Variants in SKA3 observed in about 807,000 individuals in gnomAD.
The protein encoded by SKA3 is spindle and kinetochore associated complex subunit 3.
A neutral mutation model predicts 44.2 loss-of-function variants in SKA3; 39 were observed. That is an observed-to-expected ratio of 0.88 (90% CI 0.68 to 1.15). The LOEUF (loss-of-function observed/expected upper bound fraction) is 1.15. SKA3 is among the 50% of genes most tolerant of loss of function. The pLI, the probability that SKA3 is intolerant of heterozygous loss-of-function variation, is 0.00. For synonymous variants in SKA3, 192 were observed against 172.0 expected (o/e 1.12, Z -0.91); for missense variants, 511 against 485.8 (o/e 1.05, Z -0.49).
At chr13:21,170,665 C>T (rs961129502) in intron 3 of SKA3, among the ~76,000 whole-genome samples, 8 of 152,038 alleles carry the variant, frequency 5.3e-5, no homozygotes, top group African/African-American at 1.9e-4. Flanking sequence ...GTTCCAAAAA[C>T]CTACTGATGT....
At chr13:21,176,298 A>G (rs1444157555) in intron 1 of SKA3, 77 bp downstream of exon 1, 1 of 1,121,746 alleles carries the variant, frequency 8.9e-7, no homozygotes. Flanking sequence ...TTCCCGTGGG[A>G]CATACCGTCC....
At chr13:21,161,519 C>T (rs866496174) in intron 5 of SKA3, among the ~76,000 whole-genome samples, 1 of 152,110 alleles carries the variant, frequency 6.6e-6, no homozygotes, top group African/African-American at 2.4e-5. Context: ...GGCTCTACAT[C>T]AAAATATTGG....
rs371999359 is a variant in SKA3 at position 21,168,375 on chromosome 13, G to C, written c.356C>G (p.Ser119Cys). ...TTCACAATTAGACAACTCTGGGTCA[G>C]AGTTAATGGCTTCTTGCTCGTGTAC... ...NSVHEQEAINSDPELSNCENF... is the reference protein window; with the variant it reads ...NSVHEQEAINCDPELSNCENF... Residue 119 changes from serine (S) to cysteine (C), a missense_variant, in exon 4 of 9, where the codon TCT (serine) becomes TGT (cysteine). Ser to Cys is a moderately radical substitution (Grantham distance 112). Coordinates refer to ENST00000314759, the MANE Select transcript of SKA3 (RefSeq NM_145061.6). 3 of 1,610,576 alleles carry C rather than the reference G, an allele frequency of 1.9e-6. No individual in the cohort carries two copies. Among genetic ancestry groups the C allele is most frequent in the African/African-American group, 2.7e-5 (2 of 74,688 alleles).
Position 21,172,661 on chromosome 13 carries a change from TC to T in SKA3, c.123del (p.Met41IlefsTer14). The stretch of plus-strand genomic sequence containing the variant: ...TCTGAATGAAGGTCATATAAAATTC[TC>T]ATTGGATAATCTTCAAAGTCTTCAA... Reference protein sequence around the residue: ...GEESDFEDYPMRILYDLHSEV... With the variant: ...GEESDFEDYPXRILYDLHSEV... On this transcript the variant is annotated frameshift_variant, in exon 2 of 9. Coordinates refer to ENST00000314759, the MANE Select transcript of SKA3 (RefSeq NM_145061.6). LOFTEE classifies it high-confidence loss of function. 1 of 1,580,948 alleles carries T rather than the reference TC, an allele frequency of 6.3e-7. No individual in the cohort carries two copies. Among genetic ancestry groups the T allele is most frequent in the Non-Finnish European group, 8.6e-7 (1 of 1,159,146 alleles).
At chr13:21,167,934 A>T in intron 4 of SKA3, 54 bp downstream of exon 4, 1 of 1,215,546 alleles carries the variant, frequency 8.2e-7, no homozygotes, top group Non-Finnish European at 1.0e-6. Context: ...AAATCAATAA[A>T]TACAAAAGGT....
At chr13:21,167,395 C>T (rs1340904915) in intron 4 of SKA3, among the ~76,000 whole-genome samples, 4 of 150,868 alleles carry the variant, frequency 2.7e-5, no homozygotes, top group Non-Finnish European at 4.5e-5. Flanking sequence ...CCTGAAGAAA[C>T]TGACAGCTCA....
At position 21,157,982 on chromosome 13, in the gene SKA3, C is replaced by T. The variant is rs1459840810; in HGVS notation, c.1059G>A (p.Glu353=). ...DPSSPTISSY[E]NLLRTPTPPE... ...GAGGTGTAGGTGTTCTGAGCAGATT[C>T]TCATAAGAAGAAATCGTAGGTGAAG... The change falls in exon 7 of 9, where the codon GAG becomes GAA. Residue 353 remains glutamate, a synonymous_variant. Coordinates refer to ENST00000314759, the MANE Select transcript of SKA3 (RefSeq NM_145061.6). The T allele has an allele frequency of 1.2e-6, 2 of 1,612,620 alleles. No individual in the cohort carries two copies. The highest frequency in any genetic ancestry group is 1.3e-5 in the African/African-American group (1 of 74,636).
intron 3 of SKA3, 56 bp from the exon 4 acceptor site, chr13:21,168,455 T>C: frequency 6.9e-7 from 1 of 1,458,730 alleles, no homozygotes; most frequent in South Asian, 1.3e-5. Context: ...ATTTCACGTT[T>C]ACAAAAACAA....
chr13:21,160,299 G>A lies in SKA3; in HGVS notation c.830-312C>T, dbSNP rs929041016. Among the ~76,000 whole-genome samples, 6 of 152,118 alleles carry A rather than the reference G, an allele frequency of 3.9e-5. No homozygotes were observed. The East Asian group carries it at 5.8e-4, about 15-fold the overall frequency. On this transcript the variant is annotated intron_variant, in intron 5 of 8. Transcript: ENST00000314759. ...GAAAATTATCAAACTTCTGACAAAG[G>A]AGGAGGAAGACGGAGAACAGGTCAC...
At chr13:21,159,703 T>C (rs1565992216) in intron 6 of SKA3, among the ~76,000 whole-genome samples, 199 bp downstream of exon 6, 1 of 152,144 alleles carries the variant, frequency 6.6e-6, no homozygotes, top group Non-Finnish European at 1.5e-5. Context: ...AATTCAGAGA[T>C]ATGGTTTAAA....
At chr13:21,166,939 CT>C (rs1293898252) in intron 4 of SKA3, among the ~76,000 whole-genome samples, 1 of 151,956 alleles carries the variant, frequency 6.6e-6, no homozygotes, top group Non-Finnish European at 1.5e-5. Context: ...TGTTATCCTT[CT>C]TTAATAGTAA....
At chr13:21,163,563 A>T (rs1870550909) in intron 4 of SKA3, among the ~76,000 whole-genome samples, 1 of 152,222 alleles carries the variant, frequency 6.6e-6, no homozygotes, top group Admixed American at 6.5e-5. Context: ...TCAACACTGA[A>T]TATAACCTGT....
intron 3 of SKA3, among the ~76,000 whole-genome samples, chr13:21,169,621 G>A (rs1870926152): frequency 6.6e-6 from 1 of 152,146 alleles, no homozygotes; most frequent in Non-Finnish European, 1.5e-5. Context: ...ACCTTGCAAT[G>A]TATTTTCATA....
At chr13:21,171,372 C>T (rs1357237539) in intron 3 of SKA3, among the ~76,000 whole-genome samples, 1 of 151,972 alleles carries the variant, frequency 6.6e-6, no homozygotes, top group Non-Finnish European at 1.5e-5. Context: ...GTCAGGAGAT[C>T]GAGACCATTC....
rs1869973324 is a variant in SKA3, at chr13:21,154,345, C to T, written c.*805G>A. 2 of 152,354 alleles carry T rather than the reference C, an allele frequency of 1.3e-5. No individual in the cohort carries two copies. Among genetic ancestry groups the T allele is most frequent in the South Asian group, 4.1e-4 (2 of 4,838 alleles). The allele number at this position is 152,354 out of a possible 1,614,324, so 9.4% of individuals were successfully genotyped here. A position where few individuals can be genotyped will look rare whatever the true frequency, so the allele number is the denominator to read the frequency against. The stretch of plus-strand genomic sequence containing the variant: ...AGCTACCAGGCAGCTCTGGAGGCTC[C>T]CGTGGCCATAGCTAACAGTGCACAG... On this transcript the variant is annotated 3_prime_UTR_variant, in exon 9 of 9. Transcript: ENST00000314759.
chr13:21,158,357 T>C (rs1870249720), intron 6 of SKA3, among the ~76,000 whole-genome samples: 1 of 152,058 alleles, frequency 6.6e-6, no homozygotes, highest in African/African-American at 2.4e-5. Context: ...GTGTGGTGGC[T>C]CATGCCTGTA....
rs1347144979 is a variant in SKA3 at position 21,155,705 on chromosome 13, T to C, written c.1226A>G (p.Asn409Ser). 6.3e-7 allele frequency: 1 copy of C among 1,595,946 alleles called. No individual in the cohort carries two copies. The highest frequency in any genetic ancestry group is 1.7e-5 in the Admixed American group (1 of 59,822). The change falls in exon 8 of 9, where the codon AAC becomes AGC. Residue 409 changes from asparagine to serine, a missense_variant. By Grantham distance (46) the Asn-to-Ser change is conservative. Coordinates refer to ENST00000314759, the MANE Select transcript of SKA3 (RefSeq NM_145061.6). Reference sequence around the variant, plus strand: ...GTAACATACTCACCAGTTTTCTTTGTTGCTGACATCTCGGATGTTCTGTCC... The same window carrying C: ...GTAACATACTCACCAGTTTTCTTTGCTGCTGACATCTCGGATGTTCTGTCC... The part of the protein sequence containing the change: ...KHGQNIRDVS[N>S]KEN
At chr13:21,161,533 A>C (rs1196115451) in intron 5 of SKA3, among the ~76,000 whole-genome samples, 1 of 152,226 alleles carries the variant, frequency 6.6e-6, no homozygotes, top group Non-Finnish European at 1.5e-5. Flanking sequence ...ATATTGGTGA[A>C]TATGTAAGTT....
chr13:21,155,831 T>C lies in SKA3; in HGVS notation c.1120-20A>G, dbSNP rs1870090920. 1.1e-6 allele frequency: 1 copy of C among 891,240 alleles called. No individual in the cohort carries two copies. The highest frequency in any genetic ancestry group is 1.6e-5 in the African/African-American group (1 of 60,658). 55.2% of individuals were successfully genotyped at this position (891,240 alleles called of 1,614,324 possible). On this transcript the variant is annotated intron_variant, in intron 7 of 8. Coordinates refer to ENST00000314759, the MANE Select transcript of SKA3 (RefSeq NM_145061.6). ...TAAAAGCTAAAAAAAAAAAAGGAAA[T>C]TCCTTTTTATCGAGCCATATGAATA...
Sources: gnomAD v4.1 joint callset for allele counts (sites outside exome capture counted in the v4.1 genomes callset) on GRCh38, gnomAD v4.1.1 for gene constraint, MANE v1.5 for transcripts, NCBI Gene and HGNC (gene_info 2026-07-23, HGNC 2026-07-21) for gene names.